Variants in CEP131 observed in about 807,000 individuals in gnomAD.
CEP131 encodes centrosomal protein 131, also known as centrosomal protein of 131 kDa.
In CEP131, 99 loss-of-function variants were observed where a neutral mutation model predicts 136.8. That is an observed-to-expected ratio of 0.72 (90% CI 0.62 to 0.86). CEP131 has a LOEUF of 0.86. Ranked by LOEUF, CEP131 falls within the 40% of genes least tolerant of loss-of-function variation. The pLI is 0.00. For synonymous variants in CEP131, 646 were observed against 612.7 expected, an observed-to-expected ratio of 1.05 and a Z score of -0.80; for missense variants, 1,459 against 1,463.0, an observed-to-expected ratio of 1.00 and a Z score of 0.04.
chr17:81,197,676 C>T (rs1477894791), intron 13 of CEP131, 36 bp downstream of exon 13: 1 of 1,584,484 alleles, frequency 6.3e-7, no homozygotes, highest in South Asian at 1.1e-5. Context: ...GGGCCTCCTC[C>T]CACTGGGGGC....
rs891384799 is a variant in CEP131 at position 81,203,789 on chromosome 17, T to C, written c.516-182A>G. The C allele has an allele frequency of 3.4e-6, 2 of 585,362 alleles. No homozygotes were observed. Among genetic ancestry groups the C allele is most frequent in the Non-Finnish European group, 6.1e-6 (2 of 329,190 alleles). The allele number at this position is 585,362 out of a possible 1,614,324, so 36.3% of individuals were successfully genotyped here. ...CACAGCCTGCGCCCTGATGATGGGG[T>C]TCTTCCCAGGACAGGAAAGCTGGAC... On this transcript the variant is annotated intron_variant, in intron 5 of 25. Transcript: ENST00000450824. The surrounding 1 kb of genome is among the most constrained non-coding windows in gnomAD (Gnocchi z 4.6).
Position 81,217,029 on chromosome 17 carries a change from G to A in CEP131, c.177+2851C>T, listed in dbSNP as rs114971487. Among the ~76,000 whole-genome samples, 506 of 152,356 alleles carry A rather than the reference G, an allele frequency of 3.3e-3. 4 individuals are homozygous for A. The highest frequency in any genetic ancestry group is 0.011 in the African/African-American group (461 of 41,592). On this transcript the variant is annotated intron_variant, in intron 2 of 25. Transcript: ENST00000450824. ...CCACCTGCAAGAAGGAGGCAACATC[G>A]CCCAGGGAGGGGCAGGTGGCCCCCA... is the stretch of plus-strand genomic sequence containing the variant.
chr17:81,207,258 G>A lies in CEP131; in HGVS notation c.273-19C>T, dbSNP rs200510029. On this transcript the variant is annotated intron_variant, in intron 3 of 25. Transcript: ENST00000450824. ...CGTTGGCCTGCATCCGAGAGAGGGC[G>A]GCACACAAGGAAAGAGTCACCAGCC... 3.2e-5 allele frequency: 51 copies of A among 1,608,838 alleles called. No homozygotes were observed. The highest frequency in any genetic ancestry group is 1.7e-4 in the Middle Eastern group (1 of 6,032).
chr17:81,193,274 C>T (rs962218373), intron 18 of CEP131, among the ~76,000 whole-genome samples: 11 of 152,246 alleles, frequency 7.2e-5, no homozygotes, highest in African/African-American at 2.2e-4. Context: ...TGAGCAAGCT[C>T]GCGCCAGGGC....
chr17:81,213,425 G>A (rs865999795), intron 2 of CEP131, among the ~76,000 whole-genome samples: 1 of 152,124 alleles, frequency 6.6e-6, no homozygotes, highest in South Asian at 2.1e-4. Flanking sequence ...CAGGTGTGGT[G>A]GCACACGCCT....
In CEP131 at chr17:81,219,444, C is replaced by A. The variant is rs1023676195; in HGVS notation, c.177+436G>T. On this transcript the variant is annotated intron_variant, in intron 2 of 25. Coordinates refer to ENST00000450824, the MANE Select transcript of CEP131 (RefSeq NM_014984.4). The surrounding 1 kb of genome is among the most constrained non-coding windows in gnomAD (Gnocchi z 4.0). ...GAGTAGCTAGGATTACAGGCATGCA[C>A]CACCATGCCCGGCTAATTTTTTTTT... Among the ~76,000 whole-genome samples the A allele has an allele frequency of 6.6e-6, 1 of 152,218 alleles. No individual in the cohort carries two copies.
Position 81,190,960 on chromosome 17 carries a change from G to A in CEP131, c.2890C>T (p.Arg964Cys), listed in dbSNP as rs968179365. ...QLGEAEGENL[R>C]LQGLVRQKER... ...TTCTGCCGCACAAGGCCCTGCAGAC[G>A]CAGATTCTCGCCCTCGGCCTCCCCA... Residue 964 changes from arginine (R) to cysteine (C), a missense_variant, in exon 23 of 26, where the codon CGT (arginine) becomes TGT (cysteine). Transcript: ENST00000450824. The A allele has an allele frequency of 9.3e-6, 15 of 1,605,552 alleles. No individual in the cohort carries two copies. The highest frequency in any genetic ancestry group is 1.6e-4 in the Middle Eastern group (1 of 6,084).
chr17:81,210,338 G>A (rs1329395148), intron 2 of CEP131, among the ~76,000 whole-genome samples: 4 of 152,138 alleles, frequency 2.6e-5, no homozygotes, highest in African/African-American at 9.7e-5. Context: ...TTGGGAGGCC[G>A]AGGCGGGTGG....
chr17:81,221,259 G>A (rs1258270672), intron 1 of CEP131, among the ~76,000 whole-genome samples: 1 of 151,972 alleles, frequency 6.6e-6, no homozygotes, highest in Non-Finnish European at 1.5e-5. Context: ...CGGGGGTTCT[G>A]ACGATCGATC....
Position 81,203,349 on chromosome 17 carries a change from C to T in CEP131, c.629+145G>A, listed in dbSNP as rs2061935875. On this transcript the variant is annotated intron_variant, in intron 6 of 25. Coordinates refer to ENST00000450824, the MANE Select transcript of CEP131 (RefSeq NM_014984.4). This position sits in a 1 kb window ranked among gnomAD's most constrained non-coding sequence, Gnocchi z 4.6. ...GCCCTGACCGAGGTTGGACCCCATG[C>T]ACACTGACCGCATGCCCTGACCAAG... 4 of 648,876 alleles carry T rather than the reference C, an allele frequency of 6.2e-6. No homozygotes were observed. In the South Asian group the frequency reaches 7.5e-5, roughly 12 times the overall value. The allele number at this position is 648,876 out of a possible 1,614,324, so 40.2% of individuals were successfully genotyped here.
intron 16 of CEP131, 63 bp from the exon 17 acceptor site, chr17:81,195,035 G>A: frequency 7.7e-7 from 1 of 1,305,708 alleles, no homozygotes; most frequent in Non-Finnish European, 1.1e-6. Flanking sequence ...TTGCCACCCT[G>A]TGGGCACAGT....
Position 81,192,992 on chromosome 17 carries a change from C to T in CEP131, c.2322-149G>A. 3.0e-6 allele frequency: 4 copies of T among 1,330,274 alleles called. No individual in the cohort carries two copies. In the South Asian group the frequency reaches 6.0e-5, roughly 20 times the overall value. 82.4% of individuals were successfully genotyped at this position (1,330,274 alleles called of 1,614,324 possible). On this transcript the variant is annotated intron_variant, in intron 18 of 25. Coordinates refer to ENST00000450824, the MANE Select transcript of CEP131 (RefSeq NM_014984.4). ...GCCCCTCCCCCTCGGCAGTCAAGGC[C>T]CCTCAAAGCCACCGCCCGGGGGCAG...
At chr17:81,191,495 T>C (rs1337158965) in intron 21 of CEP131, 160 bp from the exon 22 acceptor site, 9 of 664,254 alleles carry the variant, frequency 1.4e-5, no homozygotes, top group Admixed American at 1.1e-4. Context: ...CTACGTCCTG[T>C]TGTCAGGACC....
intron 5 of CEP131, among the ~76,000 whole-genome samples, chr17:81,204,243 C>G (rs888388605): frequency 9.2e-5 from 14 of 152,176 alleles, no homozygotes; most frequent in Non-Finnish European, 1.5e-4. Context: ...GAGAATCTGG[C>G]TGCTCGGCAA....
chr17:81,199,324 T>G (rs528839226), intron 10 of CEP131, 57 bp downstream of exon 10: 1 of 1,510,698 alleles, frequency 6.6e-7, no homozygotes, highest in South Asian at 1.2e-5. Flanking sequence ...AGGGCTGCAC[T>G]TCCTTCCTGG....
rs76724075 is a variant in CEP131, at chr17:81,197,251, C to T, written c.1648-196G>A. ...ATTGCTCAGTACAGGAAATGGGGGC[C>T]GTGGCCTCAGGAATAAAAAACAAAC... On this transcript the variant is annotated intron_variant, in intron 13 of 25. Coordinates refer to ENST00000450824, the MANE Select transcript of CEP131 (RefSeq NM_014984.4). 6.5e-3 allele frequency: 4,344 copies of T among 672,330 alleles called. 148 individuals carry two copies. The East Asian group carries it at 0.083, about 13-fold the overall frequency. 41.6% of individuals were successfully genotyped at this position (672,330 alleles called of 1,614,324 possible).
intron 24 of CEP131, 130 bp from the exon 25 acceptor site, chr17:81,190,105 TG>T (rs2146468070): frequency 1.2e-6 from 1 of 824,264 alleles, no homozygotes; most frequent in African/African-American, 1.7e-5. Context: ...ACGACTCCTG[TG>T]GCTGGCCCAG....
intron 2 of CEP131, among the ~76,000 whole-genome samples, chr17:81,210,861 C>CCA (rs940800217): frequency 6.7e-6 from 1 of 149,798 alleles, no homozygotes; most frequent in East Asian, 1.9e-4. Flanking sequence ...AGGAAAGCAG[C>CCA]CACACACATG....
intron 12 of CEP131, 62 bp from the exon 13 acceptor site, chr17:81,197,950 A>G: frequency 1.3e-6 from 2 of 1,568,948 alleles, no homozygotes; most frequent in South Asian, 1.2e-5. Context: ...GGGTTCCCCA[A>G]AGGCAGAGGT....
Sources: allele counts gnomAD v4.1 joint callset (sites outside exome capture counted in the v4.1 genomes callset), GRCh38; gene constraint gnomAD v4.1.1; non-coding constraint Gnocchi (gnomAD v3.1); transcripts MANE v1.5; gene names NCBI Gene and HGNC (gene_info 2026-07-23, HGNC 2026-07-21).